CLIC5: variants seen among roughly 807,000 people sequenced by gnomAD.
CLIC5 encodes chloride intracellular channel protein 5.
Under a neutral mutation model 24.7 loss-of-function variants are expected in CLIC5, and 20 were observed. That is an observed-to-expected ratio of 0.81 (90% CI 0.57 to 1.18). The LOEUF (loss-of-function observed/expected upper bound fraction) is 1.18. Ranked by LOEUF, CLIC5 falls within the 50% of genes most tolerant of loss-of-function variation. The pLI is 0.00. For synonymous variants in CLIC5, 159 were observed against 135.6 expected, an observed-to-expected ratio of 1.17 and a Z score of -1.20; for missense variants, 341 against 326.1, an observed-to-expected ratio of 1.05 and a Z score of -0.35.
intron 1 of CLIC5, among the ~76,000 whole-genome samples, chr6:46,072,207 A>T (rs1227167882): frequency 6.6e-6 from 1 of 151,644 alleles, no homozygotes; most frequent in Non-Finnish European, 1.5e-5. Flanking sequence ...CTATATAACA[A>T]ATCTGCTAAT....
At chr6:46,095,328 TGGG>T in the CLIC5 span, among the ~76,000 whole-genome samples, 1 of 152,356 alleles carries the variant, frequency 6.6e-6, no homozygotes, top group East Asian at 1.9e-4. Context: ...CCCCTGAAAA[TGGG>T]TTTTTCCTTT....
rs1762476553 is a variant in CLIC5 at position 45,900,271 on chromosome 6, C to G, written c.*2817G>C. ...AAATAAATACAAAATAAAATAAGATCTCAACACAAATACATCCCCTTTCTG... is the reference window on the plus strand; with the variant it reads ...AAATAAATACAAAATAAAATAAGATGTCAACACAAATACATCCCCTTTCTG... On this transcript the variant is annotated 3_prime_UTR_variant, in exon 6 of 6. Coordinates refer to ENST00000339561, the MANE Select transcript of CLIC5 (RefSeq NM_016929.5). 6.6e-6 allele frequency: 1 copy of G among 152,122 alleles called. No homozygotes were observed. Among genetic ancestry groups the G allele is most frequent in the African/African-American group, 2.4e-5 (1 of 41,408 alleles). The allele number at this position is 152,122 out of a possible 1,614,324, so 9.4% of individuals were successfully genotyped here.
chr6:45,897,751 A>G (rs918085256), downstream of CLIC5, among the ~76,000 whole-genome samples: 1 of 152,148 alleles, frequency 6.6e-6, no homozygotes, highest in African/African-American at 2.4e-5. Flanking sequence ...TGTTGAGAGT[A>G]GGGATTTCAG....
intron 1 of CLIC5, among the ~76,000 whole-genome samples, chr6:45,976,115 A>C (rs969211818): frequency 6.6e-6 from 1 of 152,198 alleles, no homozygotes; most frequent in Admixed American, 6.5e-5. Flanking sequence ...TGTGCATAGA[A>C]GGGCTCTGAT....
rs111230149 is a variant in CLIC5 at position 45,979,099 on chromosome 6, T to C, written c.64-23855A>G. On this transcript the variant is annotated intron_variant, in intron 1 of 5. Transcript: ENST00000339561. The stretch of plus-strand genomic sequence containing the variant: ...TAGACAACACTAAGTGGAGCCCTGG[T>C]TCCATTATTCACTGGGATATAACCT... Among the ~76,000 whole-genome samples the C allele has an allele frequency of 5.7e-3, 868 of 152,254 alleles. 6 individuals carry two copies. Among genetic ancestry groups the C allele is most frequent in the African/African-American group, 0.019 (807 of 41,568 alleles).
Position 45,911,990 on chromosome 6 carries a change from C to G in CLIC5, c.588+2238G>C, listed in dbSNP as rs1409625896. The stretch of plus-strand genomic sequence containing the variant: ...CTCTGCTTCCAGGGATGGAGATAAA[C>G]CTGAAAGCGAGCCACGCAAGAGGAG... On this transcript the variant is annotated intron_variant, in intron 5 of 5. Transcript: ENST00000339561. 6.1e-6 allele frequency: 6 copies of G among 985,446 alleles called. No homozygotes were observed. In the African/African-American group the frequency reaches 1.0e-4, roughly 17 times the overall value. 61.0% of individuals were successfully genotyped at this position (985,446 alleles called of 1,614,324 possible). A position where few individuals can be genotyped will look rare whatever the true frequency, so the allele number is the denominator to read the frequency against.
intron 5 of CLIC5, among the ~76,000 whole-genome samples, chr6:45,906,889 C>T (rs1762677082): frequency 6.6e-6 from 1 of 152,192 alleles, no homozygotes; most frequent in Non-Finnish European, 1.5e-5. Context: ...TGAGACTTTA[C>T]TGAAGTTGTT....
the CLIC5 span, among the ~76,000 whole-genome samples, chr6:46,107,990 C>T: frequency 1.2e-3 from 166 of 138,228 alleles, 1 homozygote; most frequent in East Asian, 0.021. Context: ...ACAGAGATCA[C>T]GCCATTGCAC....
rs1443786320 is a variant in CLIC5 at position 46,026,666 on chromosome 6, C to G, written c.540+53037G>C. Among the ~76,000 whole-genome samples, 3 of 152,116 alleles carry G rather than the reference C, an allele frequency of 2.0e-5. No individual in the cohort carries two copies. In the East Asian group the frequency reaches 5.8e-4, roughly 29 times the overall value. On this transcript the variant is annotated intron_variant, in intron 1 of 5. Coordinates refer to the CLIC5 transcript ENST00000185206. Reference sequence around the variant, plus strand: ...ATTTCATTAAATTCAACAAACACTTCCTGGGCAGCTGTTCTGTGCCAGATG... The same window carrying G: ...ATTTCATTAAATTCAACAAACACTTGCTGGGCAGCTGTTCTGTGCCAGATG...
At chr6:46,082,847 T>C (rs1346854850), upstream of CLIC5, among the ~76,000 whole-genome samples, 7 of 152,194 alleles carry the variant, frequency 4.6e-5, no homozygotes, top group Admixed American at 4.6e-4. Context: ...ATAAGATATA[T>C]ACATAACTTA....
At chr6:45,904,639 T>TCCCTCCCTCC in intron 5 of CLIC5, among the ~76,000 whole-genome samples, 1 of 135,166 alleles carries the variant, frequency 7.4e-6, no homozygotes, top group African/African-American at 2.7e-5. Context: ...CCCTCCCTCT[T>TCCCTCCCTCC]TTCTGTCCCT....
intron 1 of CLIC5, among the ~76,000 whole-genome samples, chr6:46,033,163 G>A (rs1226723750): frequency 2.0e-5 from 3 of 151,254 alleles, no homozygotes; most frequent in African/African-American, 7.3e-5. Context: ...TAATTTTTGT[G>A]TTTTTAGTAC....
intron 1 of CLIC5, among the ~76,000 whole-genome samples, chr6:46,003,477 A>G (rs1766432816): frequency 6.6e-6 from 1 of 152,196 alleles, no homozygotes; most frequent in Admixed American, 6.5e-5. Flanking sequence ...CTGTTTTTAT[A>G]ATTCCACGGG....
Position 46,015,649 on chromosome 6 carries a change from G to A in CLIC5, c.-107C>T. On this transcript the variant is annotated 5_prime_UTR_variant, in exon 1 of 6. Coordinates refer to ENST00000339561, the MANE Select transcript of CLIC5 (RefSeq NM_016929.5). ...CGCTGCCCAGCGGGGCTCCTCTTCAGGGCGGTGTTTAATTTTTCACAAAAC... is the reference window on the plus strand; with the variant it reads ...CGCTGCCCAGCGGGGCTCCTCTTCAAGGCGGTGTTTAATTTTTCACAAAAC... The A allele has an allele frequency of 7.5e-7, 1 of 1,339,344 alleles. No individual in the cohort carries two copies. The highest frequency in any genetic ancestry group is 9.7e-7 in the Non-Finnish European group (1 of 1,035,930). 83.0% of individuals were successfully genotyped at this position (1,339,344 alleles called of 1,614,324 possible).
At chr6:46,041,333 A>G (rs1195734928) in intron 1 of CLIC5, among the ~76,000 whole-genome samples, 1 of 152,226 alleles carries the variant, frequency 6.6e-6, no homozygotes, top group Admixed American at 6.5e-5. Context: ...CACCATTACT[A>G]TCATTATGCT....
At chr6:46,034,105 C>T (rs530092574) in intron 1 of CLIC5, among the ~76,000 whole-genome samples, 3 of 152,318 alleles carry the variant, frequency 2.0e-5, no homozygotes, top group Admixed American at 1.3e-4. Context: ...CTTAAAATAC[C>T]AGAAGTTCAA....
At chr6:46,101,265 AT>A in the CLIC5 span, among the ~76,000 whole-genome samples, 3 of 152,368 alleles carry the variant, frequency 2.0e-5, no homozygotes, top group South Asian at 6.2e-4. Flanking sequence ...GGGGTATAAA[AT>A]AATCTGATCA....
In CLIC5 at chr6:46,015,569, C is replaced by G. The variant is rs777374564; in HGVS notation, c.-27G>C. On this transcript the variant is annotated 5_prime_UTR_variant, in exon 1 of 6. Transcript: ENST00000339561. Reference sequence around the variant, plus strand: ...CCGTTGGCGCCCGGGGCTACCGTCCCGGGCCGGGGAGGCGCCACCTCTGCA... The same window carrying G: ...CCGTTGGCGCCCGGGGCTACCGTCCGGGGCCGGGGAGGCGCCACCTCTGCA... 42 of 1,549,148 alleles carry G rather than the reference C, an allele frequency of 2.7e-5. No individual in the cohort carries two copies. The Admixed American group carries it at 7.5e-4, about 28-fold the overall frequency.
intron 1 of CLIC5, among the ~76,000 whole-genome samples, chr6:46,064,561 A>G (rs1762389221): frequency 6.6e-6 from 1 of 152,166 alleles, no homozygotes; most frequent in African/African-American, 2.4e-5. Context: ...CTACATATCA[A>G]CAACATATCA....
Sources: gnomAD v4.1 joint callset for allele counts (sites outside exome capture counted in the v4.1 genomes callset) on GRCh38, gnomAD v4.1.1 for gene constraint, MANE v1.5 for transcripts, NCBI Gene and HGNC (gene_info 2026-07-23, HGNC 2026-07-21) for gene names.